Variants in ARHGAP20 observed in about 807,000 individuals in gnomAD.
ARHGAP20 encodes rho GTPase-activating protein 20.
In ARHGAP20, 34 loss-of-function variants were observed where a neutral mutation model predicts 73.7. That is an observed-to-expected ratio of 0.46 (90% CI 0.35 to 0.61). The LOEUF (loss-of-function observed/expected upper bound fraction) is 0.61, where lower values mean the gene tolerates loss of function less well. ARHGAP20 is among the 20% of genes least tolerant of loss of function. The pLI is 0.00. For missense variants in ARHGAP20, 1,314 were observed against 1,420.9 expected, an observed-to-expected ratio of 0.92 and a Z score of 1.21; for synonymous variants, 523 against 518.2, an observed-to-expected ratio of 1.01 and a Z score of -0.13.
chr11:110,649,427 T>A (rs1056748524), intron 2 of ARHGAP20, among the ~76,000 whole-genome samples: 2 of 152,032 alleles, frequency 1.3e-5, no homozygotes, highest in African/African-American at 4.8e-5. Flanking sequence ...ACAAGTTGAC[T>A]GCCATCAATA....
chr11:110,644,455 GAC>G (rs1226473307), intron 2 of ARHGAP20, among the ~76,000 whole-genome samples: 2 of 152,024 alleles, frequency 1.3e-5, no homozygotes, highest in Admixed American at 6.6e-5. Flanking sequence ...TACTAAAACA[GAC>G]ACAGAGACCA....
At chr11:110,666,654 C>T (rs1453360826) in intron 2 of ARHGAP20, among the ~76,000 whole-genome samples, 1 of 152,170 alleles carries the variant, frequency 6.6e-6, no homozygotes, top group Non-Finnish European at 1.5e-5. Flanking sequence ...CTATCAGCAC[C>T]ATTTTTTTCC....
intron 9 of ARHGAP20, among the ~76,000 whole-genome samples, chr11:110,595,528 G>T (rs1199144081): frequency 2.0e-5 from 3 of 152,100 alleles, no homozygotes; most frequent in African/African-American, 7.2e-5. Context: ...AATCATGAGT[G>T]AACTCCCATT....
intron 3 of ARHGAP20, among the ~76,000 whole-genome samples, chr11:110,628,464 G>A (rs1948791892): frequency 6.6e-6 from 1 of 152,166 alleles, no homozygotes; most frequent in African/African-American, 2.4e-5. Context: ...GAATGATCAT[G>A]TAATCAATTT....
intron 2 of ARHGAP20, among the ~76,000 whole-genome samples, chr11:110,683,104 G>T (rs1438676496): frequency 6.6e-6 from 1 of 152,128 alleles, no homozygotes; most frequent in Non-Finnish European, 1.5e-5. Context: ...AGTGGTAACA[G>T]GTTGTTACCC....
intron 9 of ARHGAP20, 150 bp downstream of exon 9, chr11:110,606,410 TA>T: frequency 1.2e-6 from 1 of 861,136 alleles, no homozygotes; most frequent in Non-Finnish European, 1.8e-6. Context: ...TGCTGATTTA[TA>T]AAACCATCTT....
At chr11:110,596,992 G>A (rs1488271896) in intron 9 of ARHGAP20, among the ~76,000 whole-genome samples, 1 of 152,030 alleles carries the variant, frequency 6.6e-6, no homozygotes, top group African/African-American at 2.4e-5. Context: ...TCCTTTGTAG[G>A]GACATGGATG....
At chr11:110,663,446 G>C (rs918828452) in intron 2 of ARHGAP20, among the ~76,000 whole-genome samples, 1 of 151,180 alleles carries the variant, frequency 6.6e-6, no homozygotes, top group Non-Finnish European at 1.5e-5. Context: ...AGGTTAAAAG[G>C]ATAAGGGAAT....
chr11:110,650,157 T>A (rs1042662301), intron 2 of ARHGAP20, among the ~76,000 whole-genome samples: 1 of 152,148 alleles, frequency 6.6e-6, no homozygotes, highest in Non-Finnish European at 1.5e-5. Flanking sequence ...ACTTATTTTA[T>A]ATCTATATGC....
chr11:110,614,965 T>C (rs559400862), intron 5 of ARHGAP20, among the ~76,000 whole-genome samples: 3 of 152,264 alleles, frequency 2.0e-5, no homozygotes, highest in Non-Finnish European at 2.9e-5. Context: ...CTGATAAGTA[T>C]AGGAACATAT....
chr11:110,592,681 G>GGGAAGAGGGGAGGAGAA (rs1269642570), intron 9 of ARHGAP20, among the ~76,000 whole-genome samples: 1 of 152,078 alleles, frequency 6.6e-6, no homozygotes, highest in Non-Finnish European at 1.5e-5. Context: ...AGGAAGAGAA[G>GGGAAGAGGGGAGGAGAA]GGAAGAGGGG....
chr11:110,578,550 C>G lies in ARHGAP20; in HGVS notation c.*820G>C. The G allele has an allele frequency of 1.0e-6, 1 of 985,388 alleles. No homozygotes were observed. The highest frequency in any genetic ancestry group is 1.2e-6 in the Non-Finnish European group (1 of 829,930). The allele number at this position is 985,388 out of a possible 1,614,324, so 61.0% of individuals were successfully genotyped here. On this transcript the variant is annotated 3_prime_UTR_variant, in exon 15 of 15. Transcript: ENST00000683387. ...AGAGTGAACGCTGTCAGGAGGTCAC[C>G]TTCTAAATAGAAGAAGTTGCATTTC... is the stretch of plus-strand genomic sequence containing the variant.
chr11:110,636,377 AATT>A (rs989937880), intron 2 of ARHGAP20, among the ~76,000 whole-genome samples: 2 of 152,084 alleles, frequency 1.3e-5, no homozygotes, highest in African/African-American at 4.8e-5. Context: ...GTAACTGGAA[AATT>A]ATTATTATTA....
intron 9 of ARHGAP20, among the ~76,000 whole-genome samples, chr11:110,604,064 T>C (rs182020653): frequency 9.2e-5 from 14 of 152,250 alleles, no homozygotes; most frequent in African/African-American, 2.9e-4. Context: ...TAAAATTGGG[T>C]GGAAATTTGT....
chr11:110,630,823 A>G (rs1236239256), intron 2 of ARHGAP20, 31 bp from the exon 3 acceptor site: 1 of 1,601,346 alleles, frequency 6.2e-7, no homozygotes, highest in African/African-American at 1.3e-5. Flanking sequence ...CAGATCAGTC[A>G]AACGATCATC....
rs1947336451 is a variant in ARHGAP20 at position 110,578,107 on chromosome 11, G to A, written c.*1263C>T. On this transcript the variant is annotated 3_prime_UTR_variant, in exon 15 of 15. Coordinates refer to ENST00000683387, the MANE Select transcript of ARHGAP20 (RefSeq NM_001384657.1). ...GCAAGGCCTGATAATCTATTCCTAG[G>A]TGACGAGATGTACTGCTGCAACCTT... is the stretch of plus-strand genomic sequence containing the variant. The A allele has an allele frequency of 4.1e-6, 4 of 985,318 alleles. No homozygotes were observed. The highest frequency in any genetic ancestry group is 4.7e-5 in the South Asian group (1 of 21,284). 61.0% of individuals were successfully genotyped at this position (985,318 alleles called of 1,614,324 possible).
At chr11:110,709,580 T>C (rs1186130039) in intron 1 of ARHGAP20, among the ~76,000 whole-genome samples, 16 of 152,172 alleles carry the variant, frequency 1.1e-4, no homozygotes, top group Non-Finnish European at 2.4e-4. Flanking sequence ...GAACCTACGA[T>C]CTGACAATAA....
intron 2 of ARHGAP20, among the ~76,000 whole-genome samples, chr11:110,639,875 G>A (rs1168213018): frequency 1.3e-5 from 2 of 151,902 alleles, no homozygotes; most frequent in Non-Finnish European, 2.9e-5. Flanking sequence ...TTTAGCTATT[G>A]TGAATAGTGC....
intron 9 of ARHGAP20, among the ~76,000 whole-genome samples, chr11:110,603,659 A>G (rs1220427725): frequency 2.6e-5 from 4 of 152,180 alleles, no homozygotes; most frequent in Non-Finnish European, 5.9e-5. Context: ...CTCAAAATCC[A>G]TTTCACTATG....
Sources: gnomAD v4.1 joint callset for allele counts (sites outside exome capture counted in the v4.1 genomes callset) on GRCh38, gnomAD v4.1.1 for gene constraint, MANE v1.5 for transcripts, NCBI Gene and HGNC (gene_info 2026-07-23, HGNC 2026-07-21) for gene names.